The following TEX11 variants were observed in gnomAD, a reference collection of about 807,000 sequenced individuals.
The protein encoded by TEX11 is testis expressed 11.
TEX11 carries 7 observed loss-of-function variants against 84.4 expected under a neutral mutation model. The ratio of observed to expected loss-of-function variants is 0.08; its 90% CI spans 0.05 to 0.16. TEX11 has a LOEUF of 0.16. Ranked by LOEUF, TEX11 falls within the 10% of genes least tolerant of loss-of-function variation. The pLI is 1.00. For missense variants in TEX11, 551 were observed against 660.5 expected (o/e 0.83, Z 1.82); for synonymous variants, 264 against 222.8 (o/e 1.18, Z -1.64).
intron 25 of TEX11, among the ~76,000 whole-genome samples, chrX:70,582,292 T>C (rs1398522082): frequency 9.0e-6 from 1 of 111,726 alleles, no homozygotes; most frequent in Admixed American, 9.6e-5. Context: ...ATAATAAAAA[T>C]AGTTTTGACC....
chrX:70,706,908 G>C (rs2147692633), intron 13 of TEX11, among the ~76,000 whole-genome samples: 1 of 111,246 alleles, frequency 9.0e-6, no homozygotes, highest in African/African-American at 3.3e-5. Context: ...GAAACCTTCA[G>C]TGGGTCCCCA....
chrX:70,799,310 T>C (rs989365149), intron 9 of TEX11, among the ~76,000 whole-genome samples: 11 of 111,368 alleles, frequency 9.9e-5, no homozygotes, highest in African/African-American at 3.6e-4. Flanking sequence ...CAAAAAGAAG[T>C]CAGAAGGAGC....
chrX:70,715,430 A>G (rs1042383210), intron 13 of TEX11, among the ~76,000 whole-genome samples: 10 of 112,008 alleles, frequency 8.9e-5, no homozygotes, highest in African/African-American at 2.6e-4. Flanking sequence ...AGGTACACCA[A>G]TCAGACGTAG....
intron 13 of TEX11, among the ~76,000 whole-genome samples, chrX:70,709,872 T>C (rs1603230514): frequency 1.8e-5 from 2 of 111,215 alleles, no homozygotes; most frequent in East Asian, 5.6e-4. Flanking sequence ...CTTCCAAGGA[T>C]TCTGATCTTG....
chrX:70,600,353 C>A (rs1184074467), intron 24 of TEX11, among the ~76,000 whole-genome samples: 2 of 110,871 alleles, frequency 1.8e-5, no homozygotes, highest in South Asian at 3.9e-4. Context: ...ACAGGAGCAC[C>A]CAGATTCATA....
chrX:70,580,517 CA>C (rs1385251793), intron 25 of TEX11, among the ~76,000 whole-genome samples: 2 of 112,131 alleles, frequency 1.8e-5, no homozygotes, highest in East Asian at 5.5e-4. Context: ...ATGTGATTAT[CA>C]CGCATGGCAT....
intron 28 of TEX11, among the ~76,000 whole-genome samples, chrX:70,551,742 A>C (rs1169958475): frequency 1.8e-5 from 2 of 111,766 alleles, no homozygotes; most frequent in Non-Finnish European, 3.8e-5. Flanking sequence ...ACTAGAATAC[A>C]GGTCTTCAAT....
chrX:70,850,593 A>C (rs1030435886), intron 7 of TEX11, among the ~76,000 whole-genome samples: 4 of 104,236 alleles, frequency 3.8e-5, no homozygotes, highest in African/African-American at 1.4e-4. Flanking sequence ...AAAAAAAAAA[A>C]ATGTTTATTT....
At chrX:70,696,523 T>C (rs757053282) in intron 13 of TEX11, among the ~76,000 whole-genome samples, 22 of 111,757 alleles carry the variant, frequency 2.0e-4, no homozygotes, top group African/African-American at 7.2e-4. Flanking sequence ...ATTCTAACAA[T>C]TTGGGAGGCC....
At chrX:70,735,628 T>C (rs1456489363) in intron 11 of TEX11, among the ~76,000 whole-genome samples, 2 of 112,293 alleles carry the variant, frequency 1.8e-5, no homozygotes, top group African/African-American at 3.2e-5. Flanking sequence ...AAACTTAATA[T>C]TGTTAAGATA....
intron 9 of TEX11, among the ~76,000 whole-genome samples, chrX:70,775,568 C>T (rs995701520): frequency 5.5e-5 from 6 of 109,074 alleles, no homozygotes; most frequent in African/African-American, 1.0e-4. Flanking sequence ...AGGCTGGGTG[C>T]GGTGGCTCAC....
chrX:70,817,236 CACACACACATATATATAT>C (rs59876683), intron 8 of TEX11, among the ~76,000 whole-genome samples: 3,844 of 88,073 alleles, frequency 0.044, 175 homozygotes, highest in African/African-American at 0.14. Context: ...CACATACACA[CACACACACATATATATAT>C]ACACACACAC....
intron 16 of TEX11, among the ~76,000 whole-genome samples, chrX:70,657,841 C>T (rs111322702): frequency 0.032 from 3,104 of 95,699 alleles, 156 homozygotes; most frequent in African/African-American, 0.11. Flanking sequence ...AACCAAACAC[C>T]GCATGTTCTC....
chrX:70,869,597 C>A (rs896072760), intron 4 of TEX11, among the ~76,000 whole-genome samples: 2 of 111,492 alleles, frequency 1.8e-5, no homozygotes, highest in African/African-American at 6.5e-5. Context: ...AGCAACATGG[C>A]AAAACCTGTA....
At chrX:70,695,117 C>T (rs1360135131) in intron 13 of TEX11, among the ~76,000 whole-genome samples, 1 of 112,246 alleles carries the variant, frequency 8.9e-6, no homozygotes, top group Non-Finnish European at 1.9e-5. Flanking sequence ...AGACTTTTCA[C>T]TTCTATGTAT....
chrX:70,769,328 T>C (rs916269941), intron 9 of TEX11, among the ~76,000 whole-genome samples: 9 of 111,190 alleles, frequency 8.1e-5, no homozygotes, highest in African/African-American at 2.6e-4. Flanking sequence ...TTAGCAACAC[T>C]GACCAAGAAA....
chrX:70,583,347 A>T (rs932729312), intron 25 of TEX11, among the ~76,000 whole-genome samples: 2 of 111,901 alleles, frequency 1.8e-5, no homozygotes, highest in Admixed American at 1.9e-4. Context: ...TATGAGTGAG[A>T]ACATGCAGTA....
intron 8 of TEX11, among the ~76,000 whole-genome samples, chrX:70,830,811 A>G (rs2091373143): frequency 8.9e-6 from 1 of 112,061 alleles, no homozygotes; most frequent in Non-Finnish European, 1.9e-5. Flanking sequence ...GACAAAAGAT[A>G]AGTGTTGGCA....
At chrX:70,529,281 T>C (rs2087854254) in intron 29 of TEX11, 94 bp from the exon 30 acceptor site, 1 of 614,601 alleles carries the variant, frequency 1.6e-6, no homozygotes, top group Non-Finnish European at 2.6e-6. Flanking sequence ...AGTCTAACCG[T>C]TACCTTCGGA....
Sources: gnomAD v4.1 joint callset for allele counts (sites outside exome capture counted in the v4.1 genomes callset) on GRCh38, gnomAD v4.1.1 for gene constraint, MANE v1.5 for transcripts, NCBI Gene and HGNC (gene_info 2026-07-23, HGNC 2026-07-21) for gene names.